STK38L: variants seen among roughly 807,000 people sequenced by gnomAD.
STK38L encodes the protein serine/threonine-protein kinase 38-like.
Under a neutral mutation model 59.7 loss-of-function variants are expected in STK38L, and 28 were observed. The ratio of observed to expected loss-of-function variants is 0.47; its 90% CI spans 0.35 to 0.64. The LOEUF (loss-of-function observed/expected upper bound fraction) is 0.64, where lower values mean the gene tolerates loss of function less well. STK38L is among the 30% of genes least tolerant of loss of function. STK38L has a pLI of 0.01. For missense variants in STK38L, 314 were observed against 555.8 expected (o/e 0.56, Z 4.37); for synonymous variants, 162 against 176.8 (o/e 0.92, Z 0.66).
chr12:27,305,708 A>C (rs1343185984), intron 3 of STK38L, among the ~76,000 whole-genome samples: 1 of 152,222 alleles, frequency 6.6e-6, no homozygotes, highest in Admixed American at 6.5e-5. Flanking sequence ...CACCTATATA[A>C]AAAGGAATGG....
intron 3 of STK38L, among the ~76,000 whole-genome samples, chr12:27,307,610 C>A (rs1417399044): frequency 6.6e-6 from 1 of 152,060 alleles, no homozygotes; most frequent in Non-Finnish European, 1.5e-5. Flanking sequence ...TAACTATGTC[C>A]AAAAACAGAA....
chr12:27,322,060 A>T, intron 12 of STK38L, 83 bp from the exon 13 acceptor site: 1 of 1,253,644 alleles, frequency 8.0e-7, no homozygotes, highest in Non-Finnish European at 1.1e-6. Context: ...GTAGAATAGT[A>T]TGCAGAATTT....
Position 27,322,326 on chromosome 12 carries a change from A to G in STK38L, c.1268-2A>G, listed in dbSNP as rs748674480. On this transcript the variant is annotated splice_acceptor_variant, in intron 13 of 13. Transcript: ENST00000389032. LOFTEE classifies it high-confidence loss of function. The stretch of plus-strand genomic sequence containing the variant: ...AAATTCCTTTATTTTTTCTCTTTCT[A>G]GTGCCAAATACCACAGAACCGGACT... The G allele has an allele frequency of 1.9e-6, 3 of 1,613,294 alleles. No individual in the cohort carries two copies. The South Asian group carries it at 3.3e-5, about 18-fold the overall frequency.
chr12:27,281,068 T>TG (rs1943644854), intron 1 of STK38L, among the ~76,000 whole-genome samples: 1 of 4,154 alleles, frequency 2.4e-4, no homozygotes, highest in East Asian at 3.3e-3. Flanking sequence ...TTTAGCTTTG[T>TG]TTTTTTTTTT....
chr12:27,258,606 G>A (rs566759544), intron 1 of STK38L, among the ~76,000 whole-genome samples: 2 of 151,092 alleles, frequency 1.3e-5, no homozygotes, highest in African/African-American at 5.0e-5. Flanking sequence ...TGGGATTATA[G>A]GCGTGAGCCC....
At chr12:27,314,938 A>G (rs1330201644) in intron 7 of STK38L, 77 bp from the exon 8 acceptor site, 2 of 1,106,302 alleles carry the variant, frequency 1.8e-6, no homozygotes, top group Non-Finnish European at 1.3e-6. Context: ...TATAATTGCC[A>G]TTTAATAGAG....
intron 1 of STK38L, among the ~76,000 whole-genome samples, chr12:27,284,957 G>A (rs1271106173): frequency 6.6e-6 from 1 of 152,166 alleles, no homozygotes; most frequent in Admixed American, 6.5e-5. Flanking sequence ...TGAGTCACAT[G>A]GTATGTCTGC....
In STK38L at chr12:27,317,552, C is replaced by A. The variant is rs549601637; in HGVS notation, c.955+99C>A. ...TATCATTGACTAAAATATTTGAAGT[C>A]TTTTAAGCTTAATTCTGATGTTCCC... On this transcript the variant is annotated intron_variant, in intron 10 of 13. Transcript: ENST00000389032. 3.6e-5 allele frequency: 36 copies of A among 1,008,272 alleles called. No individual in the cohort carries two copies. In the Admixed American group the frequency reaches 6.6e-4, roughly 18 times the overall value. 62.5% of individuals were successfully genotyped at this position (1,008,272 alleles called of 1,614,324 possible).
intron 1 of STK38L, among the ~76,000 whole-genome samples, chr12:27,254,614 C>T (rs1426271221): frequency 1.3e-5 from 2 of 152,000 alleles, no homozygotes; most frequent in Non-Finnish European, 2.9e-5. Flanking sequence ...CTAAGGACAA[C>T]CAAAAAGTTA....
At chr12:27,244,936 C>A (rs1050562859) in intron 1 of STK38L, among the ~76,000 whole-genome samples, 3 of 152,178 alleles carry the variant, frequency 2.0e-5, no homozygotes, top group African/African-American at 7.2e-5. Flanking sequence ...TCTCCCACTC[C>A]TTTTTTCACC....
chr12:27,258,530 T>C (rs982585389), intron 1 of STK38L, among the ~76,000 whole-genome samples: 1 of 152,200 alleles, frequency 6.6e-6, no homozygotes, highest in African/African-American at 2.4e-5. Context: ...GGTTTCACCA[T>C]GTTGGCAAGG....
intron 1 of STK38L, among the ~76,000 whole-genome samples, chr12:27,289,500 T>C (rs1172810759): frequency 6.6e-6 from 1 of 152,226 alleles, no homozygotes; most frequent in East Asian, 1.9e-4. Context: ...AGGAAAACTA[T>C]TTCGAAAACA....
chr12:27,274,901 G>A (rs1943500371), intron 1 of STK38L, among the ~76,000 whole-genome samples: 1 of 152,146 alleles, frequency 6.6e-6, no homozygotes. Flanking sequence ...CCCCAGTTCA[G>A]TCATATCCTG....
At chr12:27,306,622 A>G (rs1026584304) in intron 3 of STK38L, among the ~76,000 whole-genome samples, 2 of 152,008 alleles carry the variant, frequency 1.3e-5, no homozygotes, top group Non-Finnish European at 2.9e-5. Flanking sequence ...AATTATATCA[A>G]TGTAATTTTA....
At chr12:27,256,056 C>T (rs1370545916) in intron 1 of STK38L, among the ~76,000 whole-genome samples, 1 of 152,180 alleles carries the variant, frequency 6.6e-6, no homozygotes, top group Non-Finnish European at 1.5e-5. Context: ...TGACTGACAT[C>T]TAGTCATTTT....
At chr12:27,279,126 C>T (rs1160770736) in intron 1 of STK38L, among the ~76,000 whole-genome samples, 1 of 152,084 alleles carries the variant, frequency 6.6e-6, no homozygotes, top group Non-Finnish European at 1.5e-5. Flanking sequence ...CATTTTCGGA[C>T]CATCATAAAG....
At chr12:27,294,897 T>C (rs539012662) in intron 1 of STK38L, among the ~76,000 whole-genome samples, 1 of 150,874 alleles carries the variant, frequency 6.6e-6, no homozygotes, top group African/African-American at 2.4e-5. Context: ...AAAAAAAAAT[T>C]GTAGAGATGA....
At position 27,322,609 on chromosome 12, in the gene STK38L, A is replaced by G; in HGVS notation, c.*154A>G. ...CTACAGGATTAGGATTTCTAAGACT[A>G]CTATAGGAATTGGTTGGCAGTGCCA... On this transcript the variant is annotated 3_prime_UTR_variant, in exon 14 of 14. Coordinates refer to ENST00000389032, the MANE Select transcript of STK38L (RefSeq NM_015000.4). 9.4e-7 allele frequency: 1 copy of G among 1,068,936 alleles called. No homozygotes were observed. Among genetic ancestry groups the G allele is most frequent in the South Asian group, 2.5e-5 (1 of 40,042 alleles). The allele number at this position is 1,068,936 out of a possible 1,614,324, so 66.2% of individuals were successfully genotyped here.
chr12:27,303,135 C>T (rs1944220852), intron 3 of STK38L, among the ~76,000 whole-genome samples: 1 of 151,934 alleles, frequency 6.6e-6, no homozygotes, highest in Non-Finnish European at 1.5e-5. Flanking sequence ...TTGATGTCCC[C>T]TGTCTTGCCT....
Sources: gnomAD v4.1 joint callset for allele counts (sites outside exome capture counted in the v4.1 genomes callset) on GRCh38, gnomAD v4.1.1 for gene constraint, MANE v1.5 for transcripts, NCBI Gene and HGNC (gene_info 2026-07-23, HGNC 2026-07-21) for gene names.